PHACTR3: variants seen among roughly 807,000 people sequenced by gnomAD.
PHACTR3 encodes the protein phosphatase and actin regulator 3.
PHACTR3 carries 16 observed loss-of-function variants against 66.8 expected under a neutral mutation model. That is an observed-to-expected ratio of 0.24 (90% CI 0.16 to 0.36). The LOEUF (loss-of-function observed/expected upper bound fraction) is 0.36. Ranked by LOEUF, PHACTR3 falls within the 10% of genes least tolerant of loss-of-function variation. The pLI is 1.00. For synonymous variants in PHACTR3, 323 were observed against 292.1 expected (o/e 1.11, Z -1.08); for missense variants, 647 against 719.9 (o/e 0.90, Z 1.16).
At chr20:59,606,300 C>A (rs932573007) in intron 1 of PHACTR3, among the ~76,000 whole-genome samples, 5 of 47,414 alleles carry the variant, frequency 1.1e-4, no homozygotes, top group South Asian at 1.0e-3. Context: ...GGCACTGGAT[C>A]CCTCCCCCCC....
chr20:59,784,314 ATG>A (rs2040831537), intron 7 of PHACTR3, among the ~76,000 whole-genome samples: 1 of 129,674 alleles, frequency 7.7e-6, no homozygotes, highest in Admixed American at 6.9e-5. Context: ...GTGTGTGTGG[ATG>A]TATATATATA....
intron 1 of PHACTR3, among the ~76,000 whole-genome samples, chr20:59,658,306 C>T (rs1416654098): frequency 6.6e-6 from 1 of 151,810 alleles, no homozygotes; most frequent in East Asian, 1.9e-4. Flanking sequence ...TGGGCCCTTT[C>T]ATAGGCAGCT....
At chr20:59,770,127 G>A (rs889533124) in intron 5 of PHACTR3, among the ~76,000 whole-genome samples, 8 of 152,166 alleles carry the variant, frequency 5.3e-5, no homozygotes, top group African/African-American at 4.8e-5. Flanking sequence ...GACTCCACAC[G>A]CCCTAAATTC....
chr20:59,664,691 G>T (rs1195670707), intron 1 of PHACTR3, among the ~76,000 whole-genome samples: 1 of 152,342 alleles, frequency 6.6e-6, no homozygotes, highest in Non-Finnish European at 1.5e-5. Flanking sequence ...AGGCCAAAGG[G>T]CTGCTTGCCA....
At chr20:59,748,799 T>A (rs2039466954) in intron 3 of PHACTR3, among the ~76,000 whole-genome samples, 1 of 152,168 alleles carries the variant, frequency 6.6e-6, no homozygotes, top group South Asian at 2.1e-4. Context: ...ATATATTGAA[T>A]TCCTCTCTCC....
At chr20:59,815,428 T>G (rs547840014) in intron 8 of PHACTR3, among the ~76,000 whole-genome samples, 36 of 149,566 alleles carry the variant, frequency 2.4e-4, no homozygotes, top group African/African-American at 5.8e-4. Flanking sequence ...GTTTTTTTTT[T>G]TTTGTTTTTT....
At chr20:59,670,367 C>T (rs2036147115) in intron 1 of PHACTR3, among the ~76,000 whole-genome samples, 3 of 152,130 alleles carry the variant, frequency 2.0e-5, no homozygotes, top group Non-Finnish European at 4.4e-5. Context: ...TATGATGAAC[C>T]TCTGAAGACC....
At chr20:59,732,125 G>A (rs2038786395) in intron 1 of PHACTR3, among the ~76,000 whole-genome samples, 1 of 152,150 alleles carries the variant, frequency 6.6e-6, no homozygotes, top group Non-Finnish European at 1.5e-5. Context: ...ATGCACTGGG[G>A]CTCTCATGAA....
At chr20:59,811,983 A>G (rs1326899557) in intron 8 of PHACTR3, among the ~76,000 whole-genome samples, 2 of 151,406 alleles carry the variant, frequency 1.3e-5, no homozygotes, top group Non-Finnish European at 2.9e-5. Context: ...TGCTGCTGTC[A>G]CAGTCAAGGC....
At chr20:59,623,004 C>T (rs976941255) in intron 1 of PHACTR3, among the ~76,000 whole-genome samples, 8 of 18,942 alleles carry the variant, frequency 4.2e-4, no homozygotes, top group African/African-American at 1.9e-3. Context: ...AAAAAAAACC[C>T]AAATCTTCAG....
chr20:59,692,443 G>C (rs6123926), intron 1 of PHACTR3, among the ~76,000 whole-genome samples: 40,241 of 152,112 alleles, frequency 0.26, 5,993 homozygotes, highest in East Asian at 0.61. Context: ...CTGGGCTTGT[G>C]GTTTGGTTGT....
chr20:59,584,581 A>G (rs1322198896), intron 1 of PHACTR3, among the ~76,000 whole-genome samples: 1 of 152,166 alleles, frequency 6.6e-6, no homozygotes, highest in Non-Finnish European at 1.5e-5. Flanking sequence ...GTGCATGTAT[A>G]TATGGATGCG....
At chr20:59,674,850 T>C (rs1343880131) in intron 1 of PHACTR3, among the ~76,000 whole-genome samples, 1 of 72,480 alleles carries the variant, frequency 1.4e-5, no homozygotes, top group Non-Finnish European at 2.5e-5. Flanking sequence ...TTCTCCTGCC[T>C]TCTCCTGTTG....
rs968220654 is a variant in PHACTR3, at chr20:59,742,731, G to A, written c.119-376G>A. ...AGTCCTATTCAATGGAGGAGCTGAAGTTTATGAGGCAGAGAAGCGGCTGGG... is the reference window on the plus strand; with the variant it reads ...AGTCCTATTCAATGGAGGAGCTGAAATTTATGAGGCAGAGAAGCGGCTGGG... On this transcript the variant is annotated intron_variant, in intron 1 of 12. Coordinates refer to ENST00000371015, the MANE Select transcript of PHACTR3 (RefSeq NM_080672.5). Among the ~76,000 whole-genome samples the A allele has an allele frequency of 2.6e-5, 4 of 152,352 alleles. No individual in the cohort carries two copies. The South Asian group carries it at 6.2e-4, about 24-fold the overall frequency.
At chr20:59,636,201 T>G (rs995286195) in intron 1 of PHACTR3, among the ~76,000 whole-genome samples, 4 of 152,248 alleles carry the variant, frequency 2.6e-5, no homozygotes, top group Admixed American at 2.0e-4. Context: ...CTCTTGCTTC[T>G]TTTAGTTTCT....
chr20:59,651,106 A>G (rs544602765), intron 1 of PHACTR3, among the ~76,000 whole-genome samples: 67 of 152,254 alleles, frequency 4.4e-4, no homozygotes, highest in African/African-American at 1.3e-3. Flanking sequence ...TACACCTGTA[A>G]TCCCAGCACT....
At chr20:59,743,581 G>A (rs920964742) in intron 2 of PHACTR3, among the ~76,000 whole-genome samples, 2 of 152,232 alleles carry the variant, frequency 1.3e-5, no homozygotes, top group African/African-American at 4.8e-5. Flanking sequence ...TTAGGGCTGG[G>A]TTGGGCCGAG....
At chr20:59,846,116 A>T (rs2059141984) in intron 12 of PHACTR3, among the ~76,000 whole-genome samples, 1 of 152,180 alleles carries the variant, frequency 6.6e-6, no homozygotes, top group African/African-American at 2.4e-5. Context: ...CTTCTCCTTT[A>T]TCTGAAGATG....
At chr20:59,668,342 G>T (rs374995474) in intron 1 of PHACTR3, among the ~76,000 whole-genome samples, 42 of 149,736 alleles carry the variant, frequency 2.8e-4, no homozygotes, top group African/African-American at 9.6e-4. Context: ...GGGCACGTAC[G>T]CCTGTATGGG....
Sources: allele counts gnomAD v4.1 joint callset (sites outside exome capture counted in the v4.1 genomes callset), GRCh38; gene constraint gnomAD v4.1.1; transcripts MANE v1.5; gene names NCBI Gene and HGNC (gene_info 2026-07-23, HGNC 2026-07-21).